The following MTFR1L variants were observed in gnomAD, a reference collection of about 807,000 sequenced individuals.
The protein encoded by MTFR1L is mitochondrial fission regulator 1 like.
In MTFR1L, 10 loss-of-function variants were observed where a neutral mutation model predicts 27.9. The observed-to-expected ratio is 0.36, with a 90% CI of 0.22 to 0.61. MTFR1L has a LOEUF of 0.61. Among genes scored for constraint, MTFR1L ranks in the 20% least tolerant of loss-of-function variants. MTFR1L has a pLI of 0.73. For missense variants in MTFR1L, 315 were observed against 363.7 expected, an observed-to-expected ratio of 0.87 and a Z score of 1.09; for synonymous variants, 151 against 139.4, an observed-to-expected ratio of 1.08 and a Z score of -0.58.
chr1:25,824,485 C>T (rs2048142776), intron 3 of MTFR1L, among the ~76,000 whole-genome samples: 1 of 152,194 alleles, frequency 6.6e-6, no homozygotes, highest in Non-Finnish European at 1.5e-5. Flanking sequence ...CTTGTGCTTT[C>T]TACCCACACA....
At position 25,832,355 on chromosome 1, in the gene MTFR1L, T is replaced by C. The variant is rs917974189; in HGVS notation, c.*329T>C. 1 of 613,478 alleles carries C rather than the reference T, an allele frequency of 1.6e-6. No individual in the cohort carries two copies. The highest frequency in any genetic ancestry group is 1.9e-5 in the African/African-American group (1 of 53,994). 38.0% of individuals were successfully genotyped at this position (613,478 alleles called of 1,614,324 possible). On this transcript the variant is annotated 3_prime_UTR_variant, in exon 7 of 7. Transcript: ENST00000374303. ...ATAGGTCCTAAATGACTGACTTCAC[T>C]GCATTAGACCCTATAGCTGGTCTCA...
At chr1:25,827,849 C>T (rs1320912059) in intron 5 of MTFR1L, among the ~76,000 whole-genome samples, 1 of 152,078 alleles carries the variant, frequency 6.6e-6, no homozygotes, top group Non-Finnish European at 1.5e-5. Context: ...CCTCTGCCTC[C>T]CGAGTAGCTG....
At position 25,823,092 on chromosome 1, in the gene MTFR1L, G is replaced by A. The variant is rs1178206425; in HGVS notation, c.-13G>A. 6.2e-7 allele frequency: 1 copy of A among 1,614,230 alleles called. No individual in the cohort carries two copies. The highest frequency in any genetic ancestry group is 8.5e-7 in the Non-Finnish European group (1 of 1,180,044). ...GTGGCTGCCTTGTCCTTCAAGTGCA[G>A]GAGCTGGTTCAAATGTCAGGAATGG... On this transcript the variant is annotated 5_prime_UTR_variant, in exon 2 of 7. Coordinates refer to ENST00000374303, the MANE Select transcript of MTFR1L (RefSeq NM_001099625.2).
rs114046958 is a variant in MTFR1L at position 25,824,052 on chromosome 1, A to G, written c.129+304A>G. On this transcript the variant is annotated intron_variant, in intron 3 of 6. Coordinates refer to ENST00000374303, the MANE Select transcript of MTFR1L (RefSeq NM_001099625.2). ...ATGTAGCCAGTATTTTTATTTTATTATTTTTTGAGATGAGGTCTCCCTATG... is the reference window on the plus strand; with the variant it reads ...ATGTAGCCAGTATTTTTATTTTATTGTTTTTTGAGATGAGGTCTCCCTATG... 4.8e-3 allele frequency among the ~76,000 whole-genome samples: 736 copies of G among 152,086 alleles called. 8 individuals are homozygous for G. The highest frequency in any genetic ancestry group is 0.013 in the African/African-American group (559 of 41,496).
rs1209794678 is a variant in MTFR1L, at chr1:25,823,708, C to T, written c.89C>T (p.Thr30Ile). The T allele has an allele frequency of 1.9e-6, 3 of 1,614,110 alleles. No homozygotes were observed. The highest frequency in any genetic ancestry group is 2.5e-6 in the Non-Finnish European group (3 of 1,179,998). Residue 30 changes from threonine (T) to isoleucine (I), a missense_variant, in exon 3 of 7, where the codon ACC becomes ATC. Transcript: ENST00000374303. ...CGAAGTGTAGTAAGAAGAATTGGGA[C>T]CAACCTACCCTTGAAGCCGTGTGCC... ...AARSVVRRIG[T>I]NLPLKPCARA...
At chr1:25,821,141 CTGA>C in intron 1 of MTFR1L, 1 of 199,254 alleles carries the variant, frequency 5.0e-6, no homozygotes, top group Non-Finnish European at 1.0e-5. Context: ...GGGTTTGGGA[CTGA>C]TTGTGGATTT....
At chr1:25,820,257 G>C (rs1475724557) in intron 1 of MTFR1L, 1 of 455,882 alleles carries the variant, frequency 2.2e-6, no homozygotes, top group Admixed American at 2.3e-5. Flanking sequence ...CAGACCTCAG[G>C]CTTCTAGTTT....
Position 25,820,700 on chromosome 1 carries a change from A to G in MTFR1L, c.-87+671A>G, listed in dbSNP as rs532218328. The G allele has an allele frequency of 3.5e-4, 152 of 431,950 alleles. 1 individual carries two copies. Among genetic ancestry groups the G allele is most frequent in the African/African-American group, 2.8e-3 (134 of 47,814 alleles). 26.8% of individuals were successfully genotyped at this position (431,950 alleles called of 1,614,324 possible). The stretch of plus-strand genomic sequence containing the variant: ...GGTGCTGCCGGCGAACCGGGGGAAG[A>G]TCTTCTAGCCAGTGACACTTGGGGG... On this transcript the variant is annotated intron_variant, in intron 1 of 6. Transcript: ENST00000374303.
rs762953659 is a variant in MTFR1L, at chr1:25,829,548, G to A, written c.491G>A (p.Ser164Asn). Residue 164 changes from serine (S) to asparagine (N), a missense_variant, in exon 6 of 7, where the codon AGT (serine) becomes AAT (asparagine). Physicochemically the swap from Ser to Asn is conservative, Grantham distance 46. Transcript: ENST00000374303. The stretch of plus-strand genomic sequence containing the variant: ...ACGCCAGATTTCTTATCTCCAGGAA[G>A]TTCAAATGTCTCTTCTCCCTTACCT... Reference protein sequence around the residue: ...SLTPDFLSPGSSNVSSPLPCF... With the variant: ...SLTPDFLSPGNSNVSSPLPCF... 8 of 1,614,130 alleles carry A rather than the reference G, an allele frequency of 5.0e-6. No individual in the cohort carries two copies. Among genetic ancestry groups the A allele is most frequent in the East Asian group, 2.2e-5 (1 of 44,890 alleles).
At chr1:25,823,869 T>C (rs1385807176) in intron 3 of MTFR1L, 121 bp downstream of exon 3, 1 of 1,247,126 alleles carries the variant, frequency 8.0e-7, no homozygotes, top group East Asian at 2.6e-5. Context: ...TTATGAAATA[T>C]TTGTTAAATG....
chr1:25,830,447 T>C (rs1476621877), intron 6 of MTFR1L, among the ~76,000 whole-genome samples: 4 of 152,222 alleles, frequency 2.6e-5, no homozygotes, highest in African/African-American at 4.8e-5. Context: ...GTTTTTCCGA[T>C]GGAGTATGAG....
At chr1:25,820,784 G>C (rs765045803) in intron 1 of MTFR1L, 3 of 437,738 alleles carry the variant, frequency 6.9e-6, no homozygotes, top group South Asian at 3.2e-5. Context: ...GCGTTGAAGC[G>C]CTCACTGTGT....
Position 25,823,633 on chromosome 1 carries a change from CTT to C in MTFR1L, c.25-9_25-8del. The C allele has an allele frequency of 6.2e-7, 1 of 1,613,378 alleles. No homozygotes were observed. Among genetic ancestry groups the C allele is most frequent in the Non-Finnish European group, 8.5e-7 (1 of 1,179,648 alleles). The stretch of plus-strand genomic sequence containing the variant: ...TCTGGGGTTGTAGCTGTCTCCGTCT[CTT>C]TGCTCCAGACCATCCCAATCTGGCA... On this transcript the variant is annotated splice_polypyrimidine_tract_variant and intron_variant, in intron 2 of 6. Coordinates refer to ENST00000374303, the MANE Select transcript of MTFR1L (RefSeq NM_001099625.2).
In MTFR1L at chr1:25,828,170, G is replaced by A. The variant is rs139908870; in HGVS notation, c.452-1339G>A. Among the ~76,000 whole-genome samples, 112 of 152,166 alleles carry A rather than the reference G, an allele frequency of 7.4e-4. 1 individual carries two copies. In the East Asian group the frequency reaches 9.6e-3, roughly 13 times the overall value. The stretch of plus-strand genomic sequence containing the variant: ...CAGTTCTTATACTGCTAGTGACATT[G>A]TCCCCATGCCCCACCCTTCAAAGTG... On this transcript the variant is annotated intron_variant, in intron 5 of 6. Transcript: ENST00000374303.
At chr1:25,831,898 T>G (rs2048247314) in intron 6 of MTFR1L, 23 bp from the exon 7 acceptor site, 1 of 1,584,486 alleles carries the variant, frequency 6.3e-7, no homozygotes, top group Non-Finnish European at 8.7e-7. Context: ...GAGTAAGTAC[T>G]CAAGCTATTA....
chr1:25,829,435 G>T, intron 5 of MTFR1L, 74 bp from the exon 6 acceptor site: 3 of 1,328,946 alleles, frequency 2.3e-6, no homozygotes, highest in Non-Finnish European at 3.2e-6. Context: ...TCAGTAGGCA[G>T]GGCTGTGGGG....
chr1:25,821,683 A>G (rs536197439), intron 1 of MTFR1L: 1 of 152,288 alleles, frequency 6.6e-6, no homozygotes, highest in Non-Finnish European at 1.5e-5. Context: ...TTGTAGCTTT[A>G]TCATGCTCTG....
At chr1:25,829,900 C>A in intron 6 of MTFR1L, 70 bp downstream of exon 6, 2 of 1,268,892 alleles carry the variant, frequency 1.6e-6, no homozygotes, top group Non-Finnish European at 1.1e-6. Flanking sequence ...TGTAATGCAA[C>A]ATACTTACAT....
chr1:25,825,835 G>T (rs1439727932), intron 3 of MTFR1L: 1 of 161,988 alleles, frequency 6.2e-6, no homozygotes, highest in Non-Finnish European at 1.4e-5. Flanking sequence ...AGACTCTCAT[G>T]TGTCTTGCCT....
Sources: gnomAD v4.1 joint callset for allele counts (sites outside exome capture counted in the v4.1 genomes callset) on GRCh38, gnomAD v4.1.1 for gene constraint, MANE v1.5 for transcripts, NCBI Gene and HGNC (gene_info 2026-07-23, HGNC 2026-07-21) for gene names.